GRIK4: variants seen among roughly 807,000 people sequenced by gnomAD.
GRIK4 encodes the protein glutamate ionotropic receptor kainate type subunit 4.
GRIK4 carries 40 observed loss-of-function variants against 104.9 expected under a neutral mutation model. The observed-to-expected ratio is 0.38, with a 90% CI of 0.30 to 0.50. The LOEUF (loss-of-function observed/expected upper bound fraction) is 0.50, where lower values mean the gene tolerates loss of function less well. GRIK4 is among the 20% of genes least tolerant of loss of function. The pLI, the probability that GRIK4 is intolerant of heterozygous loss-of-function variation, is 0.93. For missense variants in GRIK4, 1,047 were observed against 1,308.1 expected (o/e 0.80, Z 3.08); for synonymous variants, 485 against 524.9 (o/e 0.92, Z 1.04).
chr11:120,962,882 A>G (rs1944316594), intron 18 of GRIK4: 1 of 490,250 alleles, frequency 2.0e-6, no homozygotes, highest in South Asian at 3.7e-5. Flanking sequence ...ACCAGTGCTC[A>G]ATCCTTAATT....
chr11:120,915,736 G>C (rs940141641), intron 13 of GRIK4, among the ~76,000 whole-genome samples: 3 of 152,204 alleles, frequency 2.0e-5, no homozygotes, highest in African/African-American at 7.2e-5. Flanking sequence ...GGAGGGAAGG[G>C]AGTAGAAGCA....
intron 1 of GRIK4, among the ~76,000 whole-genome samples, chr11:120,590,835 C>A (rs1948724208): frequency 6.6e-6 from 1 of 152,120 alleles, no homozygotes; most frequent in Admixed American, 6.5e-5. Context: ...GATTCAGCAA[C>A]CTCTGAGATG....
Position 120,940,567 on chromosome 11 carries a change from A to G in GRIK4, c.1590+107A>G, listed in dbSNP as rs570290596. On this transcript the variant is annotated intron_variant, in intron 14 of 20. Transcript: ENST00000527524. This position sits in a 1 kb window ranked among gnomAD's most constrained non-coding sequence, Gnocchi z 4.3. ...CTCATGGAAATATTTAGATTTCAAGACTTAAATGCAAATGTGCTGGGCTAT... is the reference window on the plus strand; with the variant it reads ...CTCATGGAAATATTTAGATTTCAAGGCTTAAATGCAAATGTGCTGGGCTAT... The G allele has an allele frequency of 2.5e-5, 17 of 691,216 alleles. No individual in the cohort carries two copies. In the African/African-American group the frequency reaches 3.0e-4, roughly 12 times the overall value. 42.8% of individuals were successfully genotyped at this position (691,216 alleles called of 1,614,324 possible). A position where few individuals can be genotyped will look rare whatever the true frequency, so the allele number is the denominator to read the frequency against.
chr11:120,724,978 C>T (rs1951002888), intron 3 of GRIK4, among the ~76,000 whole-genome samples: 1 of 150,846 alleles, frequency 6.6e-6, no homozygotes, highest in African/African-American at 2.5e-5. Context: ...TTCATTATGT[C>T]TTCTAGTTTA....
At chr11:120,516,623 G>T (rs1214482524) in intron 1 of GRIK4, among the ~76,000 whole-genome samples, 1 of 152,194 alleles carries the variant, frequency 6.6e-6, no homozygotes, top group South Asian at 2.1e-4. Context: ...GCAGAAGCGC[G>T]GGTTGAGGGC....
chr11:120,591,116 G>A (rs970006765), intron 1 of GRIK4, among the ~76,000 whole-genome samples: 1 of 152,052 alleles, frequency 6.6e-6, no homozygotes, highest in African/African-American at 2.4e-5. Context: ...AGCCACATGT[G>A]AAAGAATAGG....
intron 3 of GRIK4, among the ~76,000 whole-genome samples, chr11:120,674,794 A>G (rs11217964): frequency 0.16 from 23,629 of 152,216 alleles, 1,972 homozygotes; most frequent in South Asian, 0.23. Flanking sequence ...GGGGGCCCCC[A>G]CAGGAATCTC....
At chr11:120,635,850 G>T (rs1949390669) in intron 1 of GRIK4, among the ~76,000 whole-genome samples, 1 of 152,166 alleles carries the variant, frequency 6.6e-6, no homozygotes, top group African/African-American at 2.4e-5. Flanking sequence ...GTATGGCTTT[G>T]AATTTTTAGG....
chr11:120,886,275 C>T (rs1301147480), intron 11 of GRIK4, among the ~76,000 whole-genome samples: 1 of 152,202 alleles, frequency 6.6e-6, no homozygotes, highest in Non-Finnish European at 1.5e-5. Context: ...GTGTCCTTCT[C>T]ACAGTCCACT....
chr11:120,911,155 G>A (rs1334430355), intron 13 of GRIK4, among the ~76,000 whole-genome samples: 3 of 152,096 alleles, frequency 2.0e-5, no homozygotes, highest in East Asian at 1.9e-4. Context: ...CAGGGGAGCC[G>A]GGAAGAAGGC....
intron 1 of GRIK4, among the ~76,000 whole-genome samples, chr11:120,519,880 GTTTTTTTTT>G (rs11300538): frequency 6.6e-5 from 8 of 121,608 alleles, no homozygotes; most frequent in South Asian, 2.8e-4. Context: ...TTTTTTTTTT[GTTTTTTTTT>G]TTGTTGTTGT....
intron 13 of GRIK4, among the ~76,000 whole-genome samples, chr11:120,908,887 G>C (rs1029021180): frequency 3.3e-5 from 5 of 152,236 alleles, no homozygotes; most frequent in Non-Finnish European, 7.3e-5. Context: ...AACAGCACTC[G>C]AGGTGCAAAG....
intron 1 of GRIK4, among the ~76,000 whole-genome samples, chr11:120,607,913 T>G (rs7934084): frequency 0.69 from 104,326 of 151,960 alleles, 36,131 homozygotes; most frequent in Non-Finnish European, 0.7. Context: ...GGTGAGACCC[T>G]GGATTCCAGG....
intron 3 of GRIK4, among the ~76,000 whole-genome samples, chr11:120,687,643 T>A (rs1157904721): frequency 6.6e-6 from 1 of 152,200 alleles, no homozygotes; most frequent in East Asian, 1.9e-4. Context: ...CCTGCTGTGA[T>A]CTTCCTCAAG....
At chr11:120,655,923 T>C (rs1384525423) in intron 2 of GRIK4, among the ~76,000 whole-genome samples, 1 of 151,948 alleles carries the variant, frequency 6.6e-6, no homozygotes, top group African/African-American at 2.4e-5. Context: ...CAGGTAGAGA[T>C]GTCACCAGGC....
chr11:120,558,622 A>C (rs753566858), intron 1 of GRIK4, among the ~76,000 whole-genome samples: 1 of 152,192 alleles, frequency 6.6e-6, no homozygotes, highest in Non-Finnish European at 1.5e-5. Context: ...AACAAAAAAA[A>C]CCCTCACAGA....
At chr11:120,962,008 A>G (rs1444708222) in intron 17 of GRIK4, among the ~76,000 whole-genome samples, 1 of 152,178 alleles carries the variant, frequency 6.6e-6, no homozygotes, top group African/African-American at 2.4e-5. Context: ...GGGTGGATGG[A>G]AAATAGGAAA....
intron 1 of GRIK4, among the ~76,000 whole-genome samples, chr11:120,582,589 A>T (rs986204549): frequency 6.6e-6 from 1 of 152,204 alleles, no homozygotes; most frequent in Non-Finnish European, 1.5e-5. Flanking sequence ...GCACCCACTT[A>T]TAAGTAAGAA....
chr11:120,540,090 A>G (rs1192784680), intron 1 of GRIK4, among the ~76,000 whole-genome samples: 2 of 152,176 alleles, frequency 1.3e-5, no homozygotes, highest in Non-Finnish European at 2.9e-5. Context: ...GGTGACTGCC[A>G]GGTTTGCAGG....
Sources: allele counts gnomAD v4.1 joint callset (sites outside exome capture counted in the v4.1 genomes callset), GRCh38; gene constraint gnomAD v4.1.1; non-coding constraint Gnocchi (gnomAD v3.1); transcripts MANE v1.5; gene names NCBI Gene and HGNC (gene_info 2026-07-23, HGNC 2026-07-21).